Variants in VPS39 observed in about 807,000 individuals in gnomAD.
VPS39 encodes VPS39 subunit of HOPS complex.
In VPS39, 70 loss-of-function variants were observed where a neutral mutation model predicts 121.0. That is an observed-to-expected ratio of 0.58 (90% CI 0.48 to 0.71). The LOEUF is 0.71. Among genes scored for constraint, VPS39 ranks in the 30% least tolerant of loss-of-function variants. The pLI is 0.00. For synonymous variants in VPS39, 378 were observed against 398.1 expected (o/e 0.95, Z 0.60); for missense variants, 818 against 1,051.5 (o/e 0.78, Z 3.07).
chr15:42,187,914 A>C, intron 5 of VPS39, 58 bp from the exon 6 acceptor site: 2 of 1,487,288 alleles, frequency 1.3e-6, no homozygotes, highest in Non-Finnish European at 1.9e-6. Context: ...ACTGAGTGAT[A>C]ACTAAATTAG....
At chr15:42,196,201 C>T (rs1399870744) in intron 2 of VPS39, among the ~76,000 whole-genome samples, 1 of 151,920 alleles carries the variant, frequency 6.6e-6, no homozygotes, top group Non-Finnish European at 1.5e-5. Flanking sequence ...AATGTTAGAC[C>T]TAAAACCATA....
chr15:42,173,277 C>T (rs1004400194), intron 11 of VPS39, among the ~76,000 whole-genome samples: 2 of 152,196 alleles, frequency 1.3e-5, no homozygotes, highest in African/African-American at 4.8e-5. Flanking sequence ...CCCCAGGGTA[C>T]CTGCTCCTCG....
At chr15:42,198,224 G>A (rs2049985847) in intron 2 of VPS39, among the ~76,000 whole-genome samples, 1 of 152,116 alleles carries the variant, frequency 6.6e-6, no homozygotes, top group African/African-American at 2.4e-5. Context: ...GCAAAGCAGA[G>A]AGTCAAAAAA....
In VPS39 at chr15:42,165,000, A is replaced by G. The variant is rs925391664; in HGVS notation, c.1893T>C (p.Pro631=). The change falls in exon 18 of 25, where the codon CCT becomes CCC. Residue 631 remains proline (P), a synonymous_variant. Coordinates refer to ENST00000318006, the MANE Select transcript of VPS39 (RefSeq NM_015289.5). ...GLMKEYLLSF[P]AGKTPVPAGE... The stretch of plus-strand genomic sequence containing the variant: ...GCTTCCTAAAAGAACTGGTACCTGC[A>G]GGGAAGGACAGGAGATACTCCTTCA... 1.9e-6 allele frequency: 3 copies of G among 1,614,092 alleles called. No homozygotes were observed. The highest frequency in any genetic ancestry group is 3.3e-5 in the Admixed American group (2 of 60,006).
intron 1 of VPS39, among the ~76,000 whole-genome samples, chr15:42,205,568 C>T (rs2050151298): frequency 6.6e-6 from 1 of 152,150 alleles, no homozygotes; most frequent in Non-Finnish European, 1.5e-5. Flanking sequence ...ACACAGAAGA[C>T]AGGGAAGAAA....
intron 2 of VPS39, among the ~76,000 whole-genome samples, chr15:42,194,277 C>T (rs1309145047): frequency 2.3e-5 from 3 of 130,586 alleles, no homozygotes; most frequent in East Asian, 4.6e-4. Context: ...AGTTAAAGAC[C>T]AGACTGGCCA....
intron 2 of VPS39, among the ~76,000 whole-genome samples, chr15:42,196,001 C>T (rs1449547795): frequency 2.0e-5 from 3 of 152,124 alleles, no homozygotes; most frequent in South Asian, 2.1e-4. Flanking sequence ...GAACAGAGGC[C>T]TCAAAAATAA....
chr15:42,177,177 A>AG lies in VPS39; in HGVS notation c.960+1040_960+1041insC, dbSNP rs1595657747. Among the ~76,000 whole-genome samples, 4 of 151,376 alleles carry AG rather than the reference A, an allele frequency of 2.6e-5. No individual in the cohort carries two copies. In the East Asian group the frequency reaches 7.7e-4, roughly 29 times the overall value. ...GACCCTGTTTTAAAAAAAAAAAAAA[A>AG]AAAAAAAAAAAACCTCAAAAAACCC... On this transcript the variant is annotated intron_variant, in intron 10 of 24. Transcript: ENST00000318006.
chr15:42,166,246 C>A lies in VPS39; in HGVS notation c.1607-14G>T. 11 of 1,613,458 alleles carry A rather than the reference C, an allele frequency of 6.8e-6. No homozygotes were observed. Among genetic ancestry groups the A allele is most frequent in the Non-Finnish European group, 9.3e-6 (11 of 1,179,526 alleles). On this transcript the variant is annotated splice_polypyrimidine_tract_variant and intron_variant, in intron 15 of 24. Transcript: ENST00000318006. ...GGTTTTCTGTGCCTAGAAGGAAAAG[C>A]AGGACTTGTCAGCAGTTGAGGCCCA...
At chr15:42,163,553 C>T (rs1468663648) in intron 20 of VPS39, 73 bp downstream of exon 20, 8 of 1,524,456 alleles carry the variant, frequency 5.2e-6, no homozygotes, top group Non-Finnish European at 7.2e-6. Flanking sequence ...GGGAGATGGC[C>T]TTCTTAACTC....
At chr15:42,201,229 G>A (rs142206823) in intron 1 of VPS39, among the ~76,000 whole-genome samples, 45 of 152,172 alleles carry the variant, frequency 3.0e-4, no homozygotes, top group African/African-American at 1.0e-3. Flanking sequence ...AGGCTAGAGA[G>A]CAGTGGTGTG....
intron 2 of VPS39, among the ~76,000 whole-genome samples, chr15:42,195,037 T>C (rs2049907641): frequency 6.6e-6 from 1 of 152,128 alleles, no homozygotes; most frequent in African/African-American, 2.4e-5. Flanking sequence ...CCCAGGGGTC[T>C]AGAGACCACA....
chr15:42,197,738 G>A (rs369069517), intron 2 of VPS39, among the ~76,000 whole-genome samples: 4 of 152,076 alleles, frequency 2.6e-5, no homozygotes, highest in South Asian at 2.1e-4. Flanking sequence ...CAGAGCCTAC[G>A]ATCCCTACCC....
intron 16 of VPS39, 111 bp downstream of exon 16, chr15:42,166,048 C>T: frequency 8.5e-7 from 1 of 1,172,522 alleles, no homozygotes; most frequent in Non-Finnish European, 1.3e-6. Context: ...TTTCTTCATG[C>T]ACCAATGAAG....
chr15:42,188,563 G>A (rs554300796), intron 5 of VPS39, among the ~76,000 whole-genome samples: 6 of 152,190 alleles, frequency 3.9e-5, no homozygotes, highest in Admixed American at 1.3e-4. Context: ...TTTTGTCCTC[G>A]GTTAGCTGCC....
chr15:42,198,159 A>G (rs1242352425), intron 2 of VPS39, among the ~76,000 whole-genome samples: 1 of 152,226 alleles, frequency 6.6e-6, no homozygotes, highest in Admixed American at 6.5e-5. Context: ...TACTGTGTTG[A>G]GACTTCATTT....
At chr15:42,196,150 C>T (rs1463970570) in intron 2 of VPS39, among the ~76,000 whole-genome samples, 1 of 152,116 alleles carries the variant, frequency 6.6e-6, no homozygotes, top group Non-Finnish European at 1.5e-5. Flanking sequence ...CCCTTCCTTA[C>T]ACCTTATACA....
intron 1 of VPS39, among the ~76,000 whole-genome samples, chr15:42,200,943 C>G (rs1444765682): frequency 6.6e-6 from 1 of 152,104 alleles, no homozygotes; most frequent in Non-Finnish European, 1.5e-5. Flanking sequence ...CTGAAGGAAG[C>G]CAGACAAAAG....
chr15:42,195,614 G>A (rs893836080), intron 2 of VPS39, among the ~76,000 whole-genome samples: 3 of 152,138 alleles, frequency 2.0e-5, no homozygotes, highest in Admixed American at 6.5e-5. Context: ...CAACTTACAA[G>A]GGATGTGAAG....
Sources: allele counts gnomAD v4.1 joint callset (sites outside exome capture counted in the v4.1 genomes callset), GRCh38; gene constraint gnomAD v4.1.1; transcripts MANE v1.5; gene names NCBI Gene and HGNC (gene_info 2026-07-23, HGNC 2026-07-21).